KIRREL1: variants seen among roughly 807,000 people sequenced by gnomAD.
KIRREL1 encodes kirre like nephrin family adhesion molecule 1.
KIRREL1 carries 25 observed loss-of-function variants against 83.3 expected under a neutral mutation model. The observed-to-expected ratio is 0.30, with a 90% confidence interval of 0.22 to 0.42. KIRREL1 has a LOEUF of 0.42. Among genes scored for constraint, KIRREL1 ranks in the 10% least tolerant of loss-of-function variants. KIRREL1 has a pLI of 1.00. For missense variants in KIRREL1, 812 were observed against 1,032.3 expected (o/e 0.79, Z 2.92); for synonymous variants, 388 against 410.4 (o/e 0.95, Z 0.66).
chr1:158,003,752 T>G lies in KIRREL1; in HGVS notation c.52+10024T>G, dbSNP rs141706633. ...GCGAAGTGAGAATGCAAACTCATTT[T>G]AATGTCAGTTTGAGCCAAATATAAT... On this transcript the variant is annotated intron_variant, in intron 1 of 14. Coordinates refer to ENST00000359209, the MANE Select transcript of KIRREL1 (RefSeq NM_018240.7). Among the ~76,000 whole-genome samples, 798 of 152,316 alleles carry G rather than the reference T, an allele frequency of 5.2e-3. 5 individuals carry two copies. The highest frequency in any genetic ancestry group is 0.018 in the African/African-American group (751 of 41,544).
At chr1:158,021,318 A>G (rs1659999113) in intron 1 of KIRREL1, among the ~76,000 whole-genome samples, 1 of 152,156 alleles carries the variant, frequency 6.6e-6, no homozygotes, top group African/African-American at 2.4e-5. Flanking sequence ...AAAAAGCAGA[A>G]CTCAGCTGGC....
chr1:158,096,065 A>G lies in KIRREL1; in HGVS notation c.*945A>G, dbSNP rs1236924079. 1 of 154,538 alleles carries G rather than the reference A, an allele frequency of 6.5e-6. No individual in the cohort carries two copies. The highest frequency in any genetic ancestry group is 1.4e-5 in the Non-Finnish European group (1 of 69,676). 9.6% of individuals were successfully genotyped at this position (154,538 alleles called of 1,614,324 possible). A position where few individuals can be genotyped will look rare whatever the true frequency, so the allele number is the denominator to read the frequency against. ...CTCTTTTTCAAAGAAAACAAAAAAC[A>G]ATGAAAACCTCATTTGGGAAGAAAA... On this transcript the variant is annotated 3_prime_UTR_variant, in exon 15 of 15. Transcript: ENST00000359209.
In KIRREL1 at chr1:158,087,808, C is replaced by T. The variant is rs534449964; in HGVS notation, c.715C>T (p.Arg239Cys). 15 of 1,614,022 alleles carry T rather than the reference C, an allele frequency of 9.3e-6. No individual in the cohort carries two copies. In the African/African-American group the frequency reaches 1.3e-4, roughly 14 times the overall value. Residue 239 changes from arginine (R) to cysteine (C), a missense_variant, in exon 6 of 15, where the codon CGT becomes TGT. Arg to Cys is a radical substitution (Grantham distance 180, BLOSUM62 -3). Transcript: ENST00000359209. ...GCCACAGACGGTGCAGGAGGGTGAG[C>T]GTGTTGTCTTTACCTGCCAGGCCAC... Reference protein sequence around the residue: ...IEPQTVQEGERVVFTCQATAN... With the variant: ...IEPQTVQEGECVVFTCQATAN...
rs569827771 is a variant in KIRREL1 at position 158,014,528 on chromosome 1, T to A, written c.52+20800T>A. 5.9e-5 allele frequency among the ~76,000 whole-genome samples: 9 copies of A among 152,142 alleles called. No individual in the cohort carries two copies. The South Asian group carries it at 1.9e-3, about 32-fold the overall frequency. ...TACTCCTTCCCCTCACTCACAAGGA[T>A]TTCAAAGCAGCAGCCAGGGAACACC... On this transcript the variant is annotated intron_variant, in intron 1 of 14. Transcript: ENST00000359209.
chr1:158,093,990 C>T (rs1311243217), intron 13 of KIRREL1, among the ~76,000 whole-genome samples: 1 of 152,242 alleles, frequency 6.6e-6, no homozygotes, highest in African/African-American at 2.4e-5. Flanking sequence ...TCCTTTGCCC[C>T]ACAGTGTGTG....
At chr1:158,089,174 GAGTAAAAC>G (rs1662114230) in intron 8 of KIRREL1, among the ~76,000 whole-genome samples, 1 of 152,194 alleles carries the variant, frequency 6.6e-6, no homozygotes, top group South Asian at 2.1e-4. Context: ...AAGAATTTCA[GAGTAAAAC>G]GTCCTATGTC....
At chr1:158,083,490 G>A (rs1312403989) in intron 3 of KIRREL1, among the ~76,000 whole-genome samples, 2 of 152,240 alleles carry the variant, frequency 1.3e-5, no homozygotes, top group Admixed American at 6.5e-5. Flanking sequence ...TGCAGGTCTT[G>A]GCTTGAGGAC....
At chr1:158,033,004 CA>C (rs1489213231) in intron 1 of KIRREL1, among the ~76,000 whole-genome samples, 1 of 152,166 alleles carries the variant, frequency 6.6e-6, no homozygotes, top group East Asian at 1.9e-4. Flanking sequence ...CTCCTGACCT[CA>C]AGTGATCTGC....
intron 3 of KIRREL1, among the ~76,000 whole-genome samples, chr1:158,082,137 G>A (rs1228309404): frequency 6.6e-6 from 1 of 152,210 alleles, no homozygotes; most frequent in African/African-American, 2.4e-5. Flanking sequence ...AGGAGGAAGA[G>A]CCAGGGATTC....
intron 3 of KIRREL1, among the ~76,000 whole-genome samples, chr1:158,083,031 T>G (rs919749773): frequency 2.6e-5 from 4 of 152,212 alleles, no homozygotes; most frequent in Non-Finnish European, 5.9e-5. Context: ...ACCCAAGCCC[T>G]GGGCTAGACA....
intron 1 of KIRREL1, among the ~76,000 whole-genome samples, chr1:158,047,171 C>T (rs1301039286): frequency 6.6e-6 from 1 of 152,170 alleles, no homozygotes; most frequent in African/African-American, 2.4e-5. Context: ...TGTAGCACAG[C>T]CTAAATAAGA....
chr1:157,994,614 A>G (rs1184839783), intron 1 of KIRREL1, among the ~76,000 whole-genome samples: 1 of 152,016 alleles, frequency 6.6e-6, no homozygotes, highest in African/African-American at 2.4e-5. Context: ...AGACTGCAGC[A>G]GGGACTGGGG....
chr1:158,010,582 A>G (rs55812880), intron 1 of KIRREL1, among the ~76,000 whole-genome samples: 6,285 of 152,274 alleles, frequency 0.041, 137 homozygotes, highest in Non-Finnish European at 0.058. Context: ...TTTGCCCTGA[A>G]CTTTAGCTTT....
rs370413103 is a variant in KIRREL1, at chr1:158,053,060, C to T, written c.53-23053C>T. On this transcript the variant is annotated intron_variant, in intron 1 of 14. Transcript: ENST00000359209. ...TGGAGATCTGCCCCCATTACCCAAACACCTCCCACTAGGCCTACCTCCAAC... is the reference window on the plus strand; with the variant it reads ...TGGAGATCTGCCCCCATTACCCAAATACCTCCCACTAGGCCTACCTCCAAC... Among the ~76,000 whole-genome samples, 6 of 152,192 alleles carry T rather than the reference C, an allele frequency of 3.9e-5. No homozygotes were observed. The East Asian group carries it at 1.2e-3, about 29-fold the overall frequency.
intron 1 of KIRREL1, among the ~76,000 whole-genome samples, chr1:158,009,078 C>T (rs1043991443): frequency 6.6e-6 from 1 of 152,154 alleles, no homozygotes; most frequent in African/African-American, 2.4e-5. Flanking sequence ...AGACAGAAAC[C>T]TTTGCCCGTG....
intron 1 of KIRREL1, among the ~76,000 whole-genome samples, chr1:158,039,604 A>G (rs1398907023): frequency 6.6e-6 from 1 of 152,182 alleles, no homozygotes; most frequent in Non-Finnish European, 1.5e-5. Flanking sequence ...TCATCAAGCC[A>G]GCTTTTTCCC....
At chr1:158,019,535 A>G (rs954702338) in intron 1 of KIRREL1, among the ~76,000 whole-genome samples, 3 of 152,120 alleles carry the variant, frequency 2.0e-5, no homozygotes, top group African/African-American at 7.2e-5. Context: ...AGTTAAGGCC[A>G]CAGACACATC....
At chr1:158,050,106 T>C (rs1660873653) in intron 1 of KIRREL1, among the ~76,000 whole-genome samples, 1 of 152,120 alleles carries the variant, frequency 6.6e-6, no homozygotes, top group Non-Finnish European at 1.5e-5. Context: ...TGTGTGTGTG[T>C]GCACATGCCT....
intron 1 of KIRREL1, among the ~76,000 whole-genome samples, chr1:158,047,353 C>A (rs1660803911): frequency 6.6e-6 from 1 of 152,102 alleles, no homozygotes; most frequent in Non-Finnish European, 1.5e-5. Flanking sequence ...AAAGTGCTGA[C>A]AAGGCCCCTG....
Sources: gnomAD v4.1 joint callset for allele counts (sites outside exome capture counted in the v4.1 genomes callset) on GRCh38, gnomAD v4.1.1 for gene constraint, MANE v1.5 for transcripts, NCBI Gene and HGNC (gene_info 2026-07-23, HGNC 2026-07-21) for gene names.